Variants in GLYCTK observed in about 807,000 individuals in gnomAD.
The protein encoded by GLYCTK is glycerate kinase, also known as HBeAg binding protein 4.
In GLYCTK, 22 loss-of-function variants were observed where a neutral mutation model predicts 24.8. That is an observed-to-expected ratio of 0.89 (90% CI 0.63 to 1.27). GLYCTK has a LOEUF of 1.27. Among genes scored for constraint, GLYCTK ranks in the 50% most tolerant of loss-of-function variants. GLYCTK has a pLI of 0.00. For synonymous variants in GLYCTK, 320 were observed against 297.2 expected, an observed-to-expected ratio of 1.08 and a Z score of -0.79; for missense variants, 684 against 686.7, an observed-to-expected ratio of 1.00 and a Z score of 0.04.
intron 3 of GLYCTK, 173 bp downstream of exon 3, chr3:52,291,284 C>G (rs1700461226): frequency 1.4e-6 from 1 of 729,036 alleles, no homozygotes; most frequent in South Asian, 1.7e-5. Flanking sequence ...GTCGTCTGGC[C>G]TCCCCTGAGC....
chr3:52,290,274 A>G lies in GLYCTK; in HGVS notation c.-39-30A>G, dbSNP rs770813462. On this transcript the variant is annotated intron_variant, in intron 1 of 4. Transcript: ENST00000436784. Reference sequence around the variant, plus strand: ...GGGGACCTCCTGTCTTTTGCCTTGCAAGGGCCTCAGTTGTGCTTTTTCCCT... The same window carrying G: ...GGGGACCTCCTGTCTTTTGCCTTGCGAGGGCCTCAGTTGTGCTTTTTCCCT... 8 of 1,550,550 alleles carry G rather than the reference A, an allele frequency of 5.2e-6. No individual in the cohort carries two copies. In the South Asian group the frequency reaches 7.0e-5, roughly 14 times the overall value.
At position 52,293,728 on chromosome 3, in the gene GLYCTK, C is replaced by CTGCA; in HGVS notation, c.*603_*606dup. ...ACCCCAGGGAGGACAGGCCTAAAGA[C>CTGCA]TGCAGTCTGGGGTGACCAGCCACCC... On this transcript the variant is annotated 3_prime_UTR_variant, in exon 5 of 5. Transcript: ENST00000436784. The CTGCA allele has an allele frequency of 2.2e-6, 1 of 454,112 alleles. No individual in the cohort carries two copies. Among genetic ancestry groups the CTGCA allele is most frequent in the South Asian group, 1.6e-5 (1 of 64,476 alleles). The allele number at this position is 454,112 out of a possible 1,614,324, so 28.1% of individuals were successfully genotyped here. A position where few individuals can be genotyped will look rare whatever the true frequency, so the allele number is the denominator to read the frequency against.
rs1335396057 is a variant in GLYCTK at position 52,292,240 on chromosome 3, G to A, written c.706-20G>A. The A allele has an allele frequency of 6.2e-7, 1 of 1,613,534 alleles. No homozygotes were observed. The highest frequency in any genetic ancestry group is 8.5e-7 in the Non-Finnish European group (1 of 1,179,922). ...GGAGGAGGAAGTGGGCCTGAGCCTT[G>A]TCTGGTGGCCCTTCCCCAGGTGGTG... On this transcript the variant is annotated intron_variant, in intron 4 of 4. Transcript: ENST00000436784.
At chr3:52,288,605 T>A (rs918994060) in intron 1 of GLYCTK, 1 of 152,250 alleles carries the variant, frequency 6.6e-6, no homozygotes, top group African/African-American at 2.4e-5. Flanking sequence ...TACTTGTTTA[T>A]TTGAAATTCA....
rs767207278 is a variant in GLYCTK, at chr3:52,292,512, C to T, written c.958C>T (p.Gln320Ter). Residue 320 changes from glutamine (Q) to a stop codon, truncating the protein, a stop_gained, in exon 5 of 5, where the codon CAG becomes TAG. Coordinates refer to ENST00000436784, the MANE Select transcript of GLYCTK (RefSeq NM_145262.4). LOFTEE classifies it low-confidence loss of function (END_TRUNC). Reference protein sequence around the residue: ...GSNVLALAEAQRQAEALGYQA... With the variant: ...GSNVLALAEA ...TAATGTGCTGGCGCTAGCTGAGGCC[C>T]AGCGGCAGGCCGAGGCACTGGGCTA... 3.1e-6 allele frequency: 5 copies of T among 1,613,788 alleles called. No homozygotes were observed. Among genetic ancestry groups the T allele is most frequent in the Non-Finnish European group, 4.2e-6 (5 of 1,179,996 alleles).
At chr3:52,290,913 G>A (rs1218817839) in intron 2 of GLYCTK, 47 bp from the exon 3 acceptor site, 3 of 1,612,264 alleles carry the variant, frequency 1.9e-6, no homozygotes, top group Non-Finnish European at 2.5e-6. Flanking sequence ...CAGGTGGGAG[G>A]AGAGGAGTCC....
Position 52,290,536 on chromosome 3 carries a change from G to A in GLYCTK, c.194G>A (p.Gly65Asp), listed in dbSNP as rs772552756. The A allele has an allele frequency of 3.7e-6, 6 of 1,613,628 alleles. No individual in the cohort carries two copies. In the East Asian group the frequency reaches 1.1e-4, roughly 30 times the overall value. The change falls in exon 2 of 5, where the codon GGC becomes GAC. Residue 65 changes from glycine (G) to aspartate (D), a missense_variant. Transcript: ENST00000436784. Reference protein sequence around the residue: ...LHRALSLDPGGRQLKVRDRNF... With the variant: ...LHRALSLDPGDRQLKVRDRNF... ...CGGGCACTATCCTTGGACCCTGGTG[G>A]CAGACAGCTGAAGGTGCGGGACCGG... is the stretch of plus-strand genomic sequence containing the variant.
intron 1 of GLYCTK, among the ~76,000 whole-genome samples, chr3:52,289,685 C>T (rs1487978021): frequency 6.6e-6 from 1 of 152,250 alleles, no homozygotes; most frequent in Non-Finnish European, 1.5e-5. Flanking sequence ...TGAGATTCCT[C>T]AGATTGCTTG....
In GLYCTK at chr3:52,291,898, G is replaced by C; in HGVS notation, c.681G>C (p.Leu227=). The change falls in exon 4 of 5, where the codon CTG becomes CTC. Residue 227 remains leucine (L), a synonymous_variant. Coordinates refer to ENST00000436784, the MANE Select transcript of GLYCTK (RefSeq NM_145262.4). ...TGTCCCAGCTCAAGGGTGGGGGGCT[G>C]GCTCAGGCCGCCTACCCTGCCCAGG... is the stretch of plus-strand genomic sequence containing the variant. ...KALSQLKGGG[L]AQAAYPAQVV... The C allele has an allele frequency of 6.2e-7, 1 of 1,613,342 alleles. No individual in the cohort carries two copies. Among genetic ancestry groups the C allele is most frequent in the Non-Finnish European group, 8.5e-7 (1 of 1,179,824 alleles).
Position 52,291,846 on chromosome 3 carries a change from A to C in GLYCTK, c.629A>C (p.Gln210Pro). The C allele has an allele frequency of 6.2e-7, 1 of 1,613,988 alleles. No homozygotes were observed. Among genetic ancestry groups the C allele is most frequent in the Admixed American group, 1.7e-5 (1 of 60,030 alleles). The part of the protein sequence containing the change: ...RLLAARGATI[Q>P]ELNTIRKALS... The stretch of plus-strand genomic sequence containing the variant: ...CTGGCAGCCCGTGGAGCCACCATCC[A>C]GGAGTTGAACACCATTCGGAAGGCC... Residue 210 changes from glutamine to proline, a missense_variant, in exon 4 of 5, where the codon CAG (glutamine) becomes CCG (proline). Transcript: ENST00000436784.
chr3:52,290,193 C>G (rs1323145737), intron 1 of GLYCTK, 111 bp from the exon 2 acceptor site: 1 of 860,468 alleles, frequency 1.2e-6, no homozygotes, highest in African/African-American at 1.7e-5. Context: ...ATGGCTCCTT[C>G]TTGTAGCAGC....
chr3:52,294,694 G>A lies in GLYCTK; in HGVS notation c.*1568G>A, dbSNP rs1035706282. ...TGATCCTGTGCCGTGGTGCTCCTCTGGCAGCGTCTACATGTAGCCTGTTCC... is the reference window on the plus strand; with the variant it reads ...TGATCCTGTGCCGTGGTGCTCCTCTAGCAGCGTCTACATGTAGCCTGTTCC... On this transcript the variant is annotated 3_prime_UTR_variant, in exon 5 of 5. Coordinates refer to ENST00000436784, the MANE Select transcript of GLYCTK (RefSeq NM_145262.4). The A allele has an allele frequency of 1.4e-5, 6 of 440,536 alleles. No homozygotes were observed. The highest frequency in any genetic ancestry group is 1.2e-4 in the African/African-American group (6 of 49,702). The allele number at this position is 440,536 out of a possible 1,614,324, so 27.3% of individuals were successfully genotyped here.
chr3:52,294,907 A>G lies in GLYCTK; in HGVS notation c.*1781A>G. On this transcript the variant is annotated 3_prime_UTR_variant, in exon 5 of 5. Transcript: ENST00000436784. ...TGGTGTTGGCGTACTCAGAGTGGGA[A>G]TGCATCTCTGAGTGTACACATAGAT... The G allele has an allele frequency of 2.2e-6, 1 of 454,010 alleles. No individual in the cohort carries two copies. The highest frequency in any genetic ancestry group is 4.4e-6 in the Non-Finnish European group (1 of 226,750). 28.1% of individuals were successfully genotyped at this position (454,010 alleles called of 1,614,324 possible).
At chr3:52,288,101 C>T (rs1700344282) in intron 1 of GLYCTK, 1 of 196,230 alleles carries the variant, frequency 5.1e-6, no homozygotes, top group Non-Finnish European at 1.1e-5. Flanking sequence ...GGGGAGGAGT[C>T]AAGACCGGTA....
chr3:52,291,729 C>A lies in GLYCTK; in HGVS notation c.530-18C>A. The A allele has an allele frequency of 6.2e-7, 1 of 1,612,900 alleles. No individual in the cohort carries two copies. Reference sequence around the variant, plus strand: ...GTTGGGATAGCCCCTCTACCTGATACCCTCATTGTCTTGAGAGGTGGGGGT... The same window carrying A: ...GTTGGGATAGCCCCTCTACCTGATAACCTCATTGTCTTGAGAGGTGGGGGT... On this transcript the variant is annotated intron_variant, in intron 3 of 4. Transcript: ENST00000436784.
chr3:52,292,907 C>G lies in GLYCTK; in HGVS notation c.1353C>G (p.Thr451=), dbSNP rs774322722. The part of the protein sequence containing the change: ...PIDVLFLSGG[T]DGQDGPTEAA... The stretch of plus-strand genomic sequence containing the variant: ...ATGTGCTGTTTTTGAGCGGTGGCAC[C>G]GATGGGCAGGATGGGCCCACAGAGG... Residue 451 remains threonine, a synonymous_variant, in exon 5 of 5, where the codon ACC becomes ACG. Coordinates refer to ENST00000436784, the MANE Select transcript of GLYCTK (RefSeq NM_145262.4). 4 of 1,614,028 alleles carry G rather than the reference C, an allele frequency of 2.5e-6. No individual in the cohort carries two copies. The African/African-American group carries it at 4.0e-5, about 16-fold the overall frequency.
intron 1 of GLYCTK, 155 bp from the exon 2 acceptor site, chr3:52,290,149 C>T (rs3796342): frequency 0.042 from 26,337 of 632,940 alleles, 692 homozygotes; most frequent in Non-Finnish European, 0.051. Context: ...GATCCTGCAG[C>T]TGCAGGCTTC....
intron 1 of GLYCTK, chr3:52,288,887 C>A (rs969123491): frequency 5.3e-5 from 8 of 152,192 alleles, no homozygotes; most frequent in Admixed American, 3.9e-4. Flanking sequence ...TGTTCCCTTT[C>A]ACAACAGAAG....
chr3:52,294,707 T>C lies in GLYCTK; in HGVS notation c.*1581T>C, dbSNP rs1320110273. 4 of 442,830 alleles carry C rather than the reference T, an allele frequency of 9.0e-6. No homozygotes were observed. The highest frequency in any genetic ancestry group is 4.0e-5 in the African/African-American group (2 of 49,780). 27.4% of individuals were successfully genotyped at this position (442,830 alleles called of 1,614,324 possible). On this transcript the variant is annotated 3_prime_UTR_variant, in exon 5 of 5. Transcript: ENST00000436784. Reference sequence around the variant, plus strand: ...TGGTGCTCCTCTGGCAGCGTCTACATGTAGCCTGTTCCTGCCTCAGTCCTT... The same window carrying C: ...TGGTGCTCCTCTGGCAGCGTCTACACGTAGCCTGTTCCTGCCTCAGTCCTT...
Sources: allele counts gnomAD v4.1 joint callset (sites outside exome capture counted in the v4.1 genomes callset), GRCh38; gene constraint gnomAD v4.1.1; transcripts MANE v1.5; gene names NCBI Gene and HGNC (gene_info 2026-07-23, HGNC 2026-07-21).